The following TOX variants were observed in gnomAD, a reference collection of about 807,000 sequenced individuals.
TOX encodes thymocyte selection-associated high mobility group box protein TOX.
In TOX, 11 loss-of-function variants were observed where a neutral mutation model predicts 53.7. The ratio of observed to expected loss-of-function variants is 0.20; its 90% confidence interval spans 0.13 to 0.34. TOX has a LOEUF of 0.34. TOX is among the 10% of genes least tolerant of loss of function. The probability of loss-of-function intolerance (pLI) is 1.00; values close to 1 mark genes in which losing one functional copy is unlikely to be tolerated. For missense variants in TOX, 570 were observed against 664.6 expected, an observed-to-expected ratio of 0.86 and a Z score of 1.56; for synonymous variants, 225 against 245.3, an observed-to-expected ratio of 0.92 and a Z score of 0.77.
chr8:58,960,161 C>T (rs138340215), intron 1 of TOX, among the ~76,000 whole-genome samples, 153 bp from the exon 2 acceptor site: 2 of 152,120 alleles, frequency 1.3e-5, no homozygotes, highest in East Asian at 3.8e-4. Flanking sequence ...TCACAGCAAG[C>T]GAGCCACATC....
At chr8:58,954,568 C>T (rs866090244) in intron 2 of TOX, among the ~76,000 whole-genome samples, 1 of 152,100 alleles carries the variant, frequency 6.6e-6, no homozygotes, top group Non-Finnish European at 1.5e-5. Flanking sequence ...GGGACAAATA[C>T]ACACCATGAT....
chr8:58,983,406 A>C (rs1229213180), intron 1 of TOX, among the ~76,000 whole-genome samples: 1 of 152,004 alleles, frequency 6.6e-6, no homozygotes, highest in Non-Finnish European at 1.5e-5. Context: ...CACTTAAAGA[A>C]CCCCTGGCAT....
At chr8:58,955,360 AAAG>A (rs202244061) in intron 2 of TOX, among the ~76,000 whole-genome samples, 2,555 of 152,250 alleles carry the variant, frequency 0.017, 39 homozygotes, top group Middle Eastern at 0.085. Flanking sequence ...CCGTTCACGG[AAAG>A]AAGAAGGAAG....
At chr8:58,902,919 T>C (rs1281804968) in intron 3 of TOX, among the ~76,000 whole-genome samples, 2 of 152,212 alleles carry the variant, frequency 1.3e-5, no homozygotes, top group African/African-American at 4.8e-5. Flanking sequence ...TCTTGGTAAA[T>C]GTCATCCCTA....
intron 1 of TOX, among the ~76,000 whole-genome samples, chr8:59,029,303 A>G (rs1204800148): frequency 1.3e-5 from 2 of 151,550 alleles, no homozygotes; most frequent in Non-Finnish European, 2.9e-5. Context: ...CTTGACTGGA[A>G]AACTGCCAGC....
At chr8:59,010,458 A>G (rs1813883741) in intron 1 of TOX, among the ~76,000 whole-genome samples, 1 of 152,236 alleles carries the variant, frequency 6.6e-6, no homozygotes, top group Non-Finnish European at 1.5e-5. Context: ...GACGAGGCCA[A>G]CGAAAATTGA....
intron 1 of TOX, among the ~76,000 whole-genome samples, chr8:59,047,305 C>T (rs930074942): frequency 6.7e-6 from 1 of 148,350 alleles, no homozygotes; most frequent in Non-Finnish European, 1.5e-5. Context: ...CAAGCTCCAC[C>T]TCCTGGGTTC....
chr8:59,085,977 T>TTC (rs1804500178), intron 1 of TOX, among the ~76,000 whole-genome samples: 1 of 126,618 alleles, frequency 7.9e-6, no homozygotes, highest in African/African-American at 4.2e-5. Flanking sequence ...TTCTTTTCTT[T>TTC]TCTTTTTTTT....
intron 1 of TOX, among the ~76,000 whole-genome samples, chr8:59,084,561 T>C (rs549497707): frequency 1.3e-5 from 2 of 152,204 alleles, no homozygotes; most frequent in Admixed American, 1.3e-4. Context: ...TGATGAAATT[T>C]TGTCATGAGG....
chr8:59,065,077 C>G (rs143778966), intron 1 of TOX, among the ~76,000 whole-genome samples: 1 of 152,238 alleles, frequency 6.6e-6, no homozygotes, highest in Non-Finnish European at 1.5e-5. Flanking sequence ...AAGCTAAACA[C>G]GCCAGCATAT....
At chr8:58,954,508 G>A (rs894817223) in intron 2 of TOX, among the ~76,000 whole-genome samples, 1 of 152,190 alleles carries the variant, frequency 6.6e-6, no homozygotes. Context: ...ACAATCAGGT[G>A]AGCAAGACAA....
At chr8:58,833,975 T>C (rs1354793421) in intron 5 of TOX, among the ~76,000 whole-genome samples, 2 of 152,204 alleles carry the variant, frequency 1.3e-5, no homozygotes, top group Admixed American at 1.3e-4. Flanking sequence ...AAAGTACATA[T>C]TGTTTCTCAC....
intron 2 of TOX, among the ~76,000 whole-genome samples, chr8:58,954,086 T>C (rs1196667472): frequency 5.3e-5 from 8 of 152,182 alleles, no homozygotes; most frequent in Non-Finnish European, 8.8e-5. Context: ...TACCATTGCA[T>C]TGCTGATGAT....
intron 4 of TOX, among the ~76,000 whole-genome samples, chr8:58,840,774 G>A (rs956565634): frequency 5.3e-5 from 8 of 152,084 alleles, no homozygotes; most frequent in Non-Finnish European, 1.0e-4. Flanking sequence ...ACCTACTTCC[G>A]TGTGCTTTCC....
intron 3 of TOX, among the ~76,000 whole-genome samples, chr8:58,856,111 AT>A (rs1563371241): frequency 6.6e-6 from 1 of 152,162 alleles, no homozygotes; most frequent in African/African-American, 2.4e-5. Flanking sequence ...CTTTTTTTAC[AT>A]ACTTGTACTT....
intron 1 of TOX, among the ~76,000 whole-genome samples, chr8:59,061,753 G>A (rs1209819964): frequency 1.3e-5 from 2 of 151,784 alleles, no homozygotes; most frequent in Non-Finnish European, 2.9e-5. Context: ...AACTCAGAAG[G>A]TCTGGAATGA....
intron 3 of TOX, among the ~76,000 whole-genome samples, chr8:58,919,175 T>A (rs1812030818): frequency 6.6e-6 from 1 of 151,372 alleles, no homozygotes; most frequent in South Asian, 2.1e-4. Context: ...AAGCTGCCAA[T>A]GACTTTCTTC....
At chr8:59,076,404 C>G (rs1048235641) in intron 1 of TOX, among the ~76,000 whole-genome samples, 11 of 152,230 alleles carry the variant, frequency 7.2e-5, no homozygotes, top group African/African-American at 2.7e-4. Flanking sequence ...CTTCTCAAGT[C>G]TGGCTTTGCC....
chr8:59,092,264 T>TATATATATATA (rs1174716509), intron 1 of TOX, among the ~76,000 whole-genome samples: 1 of 51,888 alleles, frequency 1.9e-5, no homozygotes, highest in African/African-American at 1.9e-4. Flanking sequence ...ATATATATAT[T>TATATATATATA]TTATATATAT....
Sources: allele counts gnomAD v4.1 joint callset (sites outside exome capture counted in the v4.1 genomes callset), GRCh38; gene constraint gnomAD v4.1.1; transcripts MANE v1.5; gene names NCBI Gene and HGNC (gene_info 2026-07-23, HGNC 2026-07-21).